CSMD3: variants seen among roughly 807,000 people sequenced by gnomAD.
CSMD3 encodes CUB and sushi domain-containing protein 3.
Under a neutral mutation model 435.2 loss-of-function variants are expected in CSMD3, and 177 were observed. The ratio of observed to expected loss-of-function variants is 0.41; its 90% CI spans 0.36 to 0.46. The LOEUF is 0.46. Ranked by LOEUF, CSMD3 falls within the 20% of genes least tolerant of loss-of-function variation. The probability of loss-of-function intolerance (pLI) is 0.34; values close to 1 mark genes in which losing one functional copy is unlikely to be tolerated. For synonymous variants in CSMD3, 1,656 were observed against 1,520.5 expected, an observed-to-expected ratio of 1.09 and a Z score of -2.07; for missense variants, 4,265 against 4,504.6, an observed-to-expected ratio of 0.95 and a Z score of 1.52.
At chr8:113,066,119 C>A (rs868330927) in intron 5 of CSMD3, among the ~76,000 whole-genome samples, 3 of 128,674 alleles carry the variant, frequency 2.3e-5, no homozygotes, top group Admixed American at 1.6e-4. Context: ...GGTCAAAGAC[C>A]CAAGAAAAAG....
chr8:113,431,801 T>TA (rs1411376076), intron 1 of CSMD3, among the ~76,000 whole-genome samples: 1 of 152,144 alleles, frequency 6.6e-6, no homozygotes, highest in African/African-American at 2.4e-5. Flanking sequence ...TCACTTATGA[T>TA]AGAGTTTTAC....
At chr8:112,515,587 T>C (rs1823587927) in intron 28 of CSMD3, among the ~76,000 whole-genome samples, 1 of 152,114 alleles carries the variant, frequency 6.6e-6, no homozygotes, top group African/African-American at 2.4e-5. Context: ...CTTGCAGTGG[T>C]ACATGAAGAA....
chr8:113,276,728 T>C (rs1247275444), intron 3 of CSMD3, among the ~76,000 whole-genome samples: 1 of 152,080 alleles, frequency 6.6e-6, no homozygotes, highest in Admixed American at 6.6e-5. Flanking sequence ...TTTAAGATGT[T>C]AAATTGAAAA....
At chr8:112,406,390 T>C (rs1409437166) in intron 35 of CSMD3, 134 bp downstream of exon 35, 12 of 509,290 alleles carry the variant, frequency 2.4e-5, no homozygotes, top group Non-Finnish European at 4.0e-5. Flanking sequence ...TTCATATTTA[T>C]ATAAAGCATA....
chr8:112,739,455 T>TA, intron 13 of CSMD3, among the ~76,000 whole-genome samples: 1 of 151,960 alleles, frequency 6.6e-6, no homozygotes, highest in East Asian at 1.9e-4. Flanking sequence ...AAATAGTTTT[T>TA]ACTGGTACTT....
At chr8:113,043,100 CT>C (rs1338669741) in intron 5 of CSMD3, among the ~76,000 whole-genome samples, 2 of 152,120 alleles carry the variant, frequency 1.3e-5, no homozygotes, top group Non-Finnish European at 2.9e-5. Flanking sequence ...ATATAGTATT[CT>C]TTCTAAAACT....
chr8:112,279,332 G>A (rs1586634430), intron 59 of CSMD3, among the ~76,000 whole-genome samples: 1 of 152,268 alleles, frequency 6.6e-6, no homozygotes, highest in South Asian at 2.1e-4. Flanking sequence ...CTTTAGAGGA[G>A]TTACCAAACA....
At chr8:112,687,501 G>A (rs1405772774) in intron 14 of CSMD3, among the ~76,000 whole-genome samples, 2 of 151,760 alleles carry the variant, frequency 1.3e-5, no homozygotes, top group African/African-American at 4.8e-5. Flanking sequence ...CAATCTTTTA[G>A]CATCATATGT....
intron 54 of CSMD3, among the ~76,000 whole-genome samples, chr8:112,295,498 C>T (rs1313471736): frequency 6.6e-6 from 1 of 151,978 alleles, no homozygotes; most frequent in Non-Finnish European, 1.5e-5. Flanking sequence ...GATACAGCTA[C>T]ACAGTGGTCT....
intron 6 of CSMD3, among the ~76,000 whole-genome samples, chr8:112,985,751 C>A (rs905850158): frequency 1.3e-5 from 2 of 152,144 alleles, no homozygotes; most frequent in Non-Finnish European, 2.9e-5. Context: ...AGCAAGAGAT[C>A]TAGGTTGCAA....
At chr8:112,622,298 T>C (rs558253818) in intron 22 of CSMD3, among the ~76,000 whole-genome samples, 2 of 152,172 alleles carry the variant, frequency 1.3e-5, no homozygotes, top group African/African-American at 4.8e-5. Context: ...ATGTATGGGG[T>C]ATTAGAACCC....
intron 1 of CSMD3, among the ~76,000 whole-genome samples, chr8:113,334,731 A>G (rs2094057655): frequency 6.6e-6 from 1 of 151,810 alleles, no homozygotes; most frequent in South Asian, 2.1e-4. Flanking sequence ...TGTGAATTCT[A>G]TTTTCTTAAT....
chr8:113,116,317 T>C (rs1032257610), intron 4 of CSMD3, among the ~76,000 whole-genome samples: 13 of 152,134 alleles, frequency 8.5e-5, no homozygotes, highest in African/African-American at 3.1e-4. Context: ...CAAGATCTTA[T>C]GGTTATATAA....
chr8:112,829,476 G>T (rs1173694345), intron 12 of CSMD3, among the ~76,000 whole-genome samples: 2 of 152,120 alleles, frequency 1.3e-5, no homozygotes, highest in Non-Finnish European at 2.9e-5. Context: ...ACTGCATGTT[G>T]TTAGAGAAGC....
intron 4 of CSMD3, among the ~76,000 whole-genome samples, chr8:113,131,045 T>TA (rs1176377958): frequency 2.6e-5 from 4 of 152,282 alleles, no homozygotes; most frequent in African/African-American, 7.2e-5. Flanking sequence ...TGGCTGTTTC[T>TA]AAAAGTGTAT....
Position 112,292,565 on chromosome 8 carries a change from C to T in CSMD3, c.8760G>A (p.Gln2920=). 1 of 1,613,860 alleles carries T rather than the reference C, an allele frequency of 6.2e-7. No homozygotes were observed. ...TGCACATAGGTGGAGGATGGCTCCA[C>T]TGTCTGTTGGCCTGGCACTGTGCCT... ...PTKAQCQANR[Q]WSHPPPMCKV... is the part of the protein sequence containing the mutation. The change falls in exon 55 of 71, where the codon CAG becomes CAA. Residue 2920 remains glutamine, a synonymous_variant. Transcript: ENST00000297405.
chr8:113,077,227 A>G (rs1426186118), intron 5 of CSMD3, among the ~76,000 whole-genome samples: 2 of 152,168 alleles, frequency 1.3e-5, no homozygotes, highest in Non-Finnish European at 1.5e-5. Flanking sequence ...TACTATTAGG[A>G]AAACTGTCAG....
chr8:113,293,414 G>A (rs530868182), intron 2 of CSMD3, among the ~76,000 whole-genome samples: 1 of 152,040 alleles, frequency 6.6e-6, no homozygotes, highest in Admixed American at 6.6e-5. Context: ...GGAAGTGACT[G>A]TATTGCTTTG....
At chr8:112,579,353 C>T (rs549689268) in intron 23 of CSMD3, among the ~76,000 whole-genome samples, 5 of 152,084 alleles carry the variant, frequency 3.3e-5, no homozygotes, top group South Asian at 4.1e-4. Flanking sequence ...AGTGTAAATA[C>T]TCCCATTGGC....
Sources: allele counts gnomAD v4.1 joint callset (sites outside exome capture counted in the v4.1 genomes callset), GRCh38; gene constraint gnomAD v4.1.1; transcripts MANE v1.5; gene names NCBI Gene and HGNC (gene_info 2026-07-23, HGNC 2026-07-21).